DCTN2: variants seen among roughly 807,000 people sequenced by gnomAD.
DCTN2 encodes dynactin subunit 2.
A neutral mutation model predicts 55.4 loss-of-function variants in DCTN2; 18 were observed. The ratio of observed to expected loss-of-function variants is 0.32; its 90% CI spans 0.22 to 0.48. DCTN2 has a LOEUF of 0.48. Among genes scored for constraint, DCTN2 ranks in the 20% least tolerant of loss-of-function variants. DCTN2 has a pLI of 0.99. For synonymous variants in DCTN2, 168 were observed against 185.2 expected (o/e 0.91, Z 0.76); for missense variants, 390 against 491.0 (o/e 0.79, Z 1.94).
intron 2 of DCTN2, among the ~76,000 whole-genome samples, chr12:57,537,362 G>GAAA (rs56278180): frequency 1.9e-4 from 11 of 58,160 alleles, no homozygotes; most frequent in Non-Finnish European, 3.6e-4. Flanking sequence ...AGAGAGAAAA[G>GAAA]AAAAAAAAAA....
chr12:57,543,707 T>C, intron 2 of DCTN2: 12 of 973,092 alleles, frequency 1.2e-5, no homozygotes, highest in Non-Finnish European at 1.5e-5. Context: ...GCCCACCCCA[T>C]TCCTCCCTAG....
At chr12:57,542,277 G>GA (rs139649723) in intron 2 of DCTN2, among the ~76,000 whole-genome samples, 128 of 139,256 alleles carry the variant, frequency 9.2e-4, no homozygotes, top group Admixed American at 1.6e-3. Flanking sequence ...ACTCCATCTT[G>GA]AAAAAAAAAA....
At chr12:57,544,573 C>T (rs2140140009) in intron 2 of DCTN2, among the ~76,000 whole-genome samples, 1 of 152,066 alleles carries the variant, frequency 6.6e-6, no homozygotes, top group South Asian at 2.1e-4. Context: ...CGCCACCACG[C>T]CTTGCTAATT....
intron 2 of DCTN2, among the ~76,000 whole-genome samples, chr12:57,541,103 A>G (rs1880655537): frequency 6.6e-6 from 1 of 152,184 alleles, no homozygotes; most frequent in Non-Finnish European, 1.5e-5. Flanking sequence ...TAAAGCCTCC[A>G]TGCTTCTATC....
Position 57,538,504 on chromosome 12 carries a change from G to C in DCTN2, c.106-2659C>G, listed in dbSNP as rs1286021547. On this transcript the variant is annotated intron_variant, in intron 2 of 13. Coordinates refer to ENST00000548249, the MANE Select transcript of DCTN2 (RefSeq NM_001261413.2). ...ACACCCCGTTAAAAAGCAGATGAAA[G>C]GTCAGGCTTCTTACCAGCTCCTTGT... 7 of 761,456 alleles carry C rather than the reference G, an allele frequency of 9.2e-6. 1 individual carries two copies. In the African/African-American group the frequency reaches 1.2e-4, roughly 13 times the overall value. 47.2% of individuals were successfully genotyped at this position (761,456 alleles called of 1,614,324 possible).
Position 57,534,314 on chromosome 12 carries a change from C to T in DCTN2, c.502G>A (p.Asp168Asn), listed in dbSNP as rs1880032254. Residue 168 changes from aspartate to asparagine, a missense_variant, in exon 6 of 14, where the codon GAC becomes AAC. By Grantham distance (23) the Asp-to-Asn change is conservative. Around this residue, in one of 2 missense-constraint regions of DCTN2, gnomAD observed 273 missense variants for 303.2 expected, o/e 0.90. Coordinates refer to ENST00000548249, the MANE Select transcript of DCTN2 (RefSeq NM_001261413.2). ...LGPDAAINLTDPDGALAKRLL... is the reference protein window; with the variant it reads ...LGPDAAINLTNPDGALAKRLL... ...CACTTAGCCAGGGCGCCATCGGGGT[C>T]GGTAAGGTTGATTGCAGCATCTGGT... is the stretch of plus-strand genomic sequence containing the variant. The T allele has an allele frequency of 6.3e-6, 10 of 1,598,374 alleles. No homozygotes were observed. Among genetic ancestry groups the T allele is most frequent in the South Asian group, 2.2e-5 (2 of 89,950 alleles).
chr12:57,543,450 C>A (rs1880880035), intron 2 of DCTN2, among the ~76,000 whole-genome samples: 1 of 151,906 alleles, frequency 6.6e-6, no homozygotes, highest in African/African-American at 2.4e-5. Flanking sequence ...GGCAGGTAGG[C>A]AGGAAACAGA....
At chr12:57,533,406 G>A in intron 7 of DCTN2, 103 bp from the exon 8 acceptor site, 2 of 1,038,938 alleles carry the variant, frequency 1.9e-6, no homozygotes, top group Non-Finnish European at 3.0e-6. Flanking sequence ...CACCCCAAGG[G>A]ATTCCTTTCC....
In DCTN2 at chr12:57,535,076, T is replaced by C. The variant is rs1287463457; in HGVS notation, c.343A>G (p.Thr115Ala). The C allele has an allele frequency of 6.2e-6, 10 of 1,613,482 alleles. No homozygotes were observed. The highest frequency in any genetic ancestry group is 8.5e-6 in the Non-Finnish European group (10 of 1,179,810). Residue 115 changes from threonine (T) to alanine (A), a missense_variant, in exon 5 of 14, where the codon ACT (threonine) becomes GCT (alanine). Around this residue, in one of 2 missense-constraint regions of DCTN2, gnomAD observed 117 missense variants for 187.8 expected, o/e 0.62. Transcript: ENST00000548249. Reference protein sequence around the residue: ...RLLHEVQELTTEVEKIKTTVK... With the variant: ...RLLHEVQELTAEVEKIKTTVK... Reference sequence around the variant, plus strand: ...GTTACCTTGATTTTTTCAACTTCAGTTGTCAGCTCTTGGACCTCATGCAGT... The same window carrying C: ...GTTACCTTGATTTTTTCAACTTCAGCTGTCAGCTCTTGGACCTCATGCAGT...
Position 57,533,375 on chromosome 12 carries a change from T to C in DCTN2, c.670-72A>G. On this transcript the variant is annotated intron_variant, in intron 7 of 13. Transcript: ENST00000548249. ...TGCAATGGGAGGAATACGATCCTGC[T>C]CTACTCTGCCTGCCACTCACCACCC... 3 of 1,393,230 alleles carry C rather than the reference T, an allele frequency of 2.2e-6. No individual in the cohort carries two copies. In the South Asian group the frequency reaches 3.5e-5, roughly 16 times the overall value. 86.3% of individuals were successfully genotyped at this position (1,393,230 alleles called of 1,614,324 possible).
intron 1 of DCTN2, 83 bp from the exon 2 acceptor site, chr12:57,546,179 A>C: frequency 7.5e-7 from 1 of 1,331,456 alleles, no homozygotes; most frequent in Non-Finnish European, 1.1e-6. Context: ...GAATAAGCTA[A>C]CAGAGAAGGC....
At chr12:57,531,831 G>A (rs1303390867) in intron 13 of DCTN2, among the ~76,000 whole-genome samples, 184 bp downstream of exon 13, 1 of 152,182 alleles carries the variant, frequency 6.6e-6, no homozygotes, top group African/African-American at 2.4e-5. Flanking sequence ...ATGGAAAGAT[G>A]GAGGTTCATA....
Position 57,532,052 on chromosome 12 carries a change from G to A in DCTN2, c.1082C>T (p.Ala361Val). 1 of 1,566,170 alleles carries A rather than the reference G, an allele frequency of 6.4e-7. No homozygotes were observed. The highest frequency in any genetic ancestry group is 8.7e-7 in the Non-Finnish European group (1 of 1,154,634). The part of the protein sequence containing the change: ...THLDTTQQMI[A>V]NSLKDNTTLL... ...GGTGGTATTGTCCTTCAAGGAATTA[G>A]CAATCATCTGCTGGGTGGTATCCAA... Residue 361 changes from alanine (A) to valine (V), a missense_variant, in exon 13 of 14, where the codon GCT becomes GTT. Around this residue, in one of 2 missense-constraint regions of DCTN2, gnomAD observed 273 missense variants for 303.2 expected, o/e 0.90. Transcript: ENST00000548249.
At chr12:57,531,198 C>T (rs1201927560) in intron 13 of DCTN2, among the ~76,000 whole-genome samples, 2 of 152,168 alleles carry the variant, frequency 1.3e-5, no homozygotes, top group Non-Finnish European at 2.9e-5. Flanking sequence ...AATGCTCCTT[C>T]CAGCACTGAG....
rs906205278 is a variant in DCTN2, at chr12:57,534,578, G to A, written c.364-126C>T. 9.6e-6 allele frequency: 9 copies of A among 942,324 alleles called. No homozygotes were observed. In the African/African-American group the frequency reaches 1.5e-4, roughly 16 times the overall value. 58.4% of individuals were successfully genotyped at this position (942,324 alleles called of 1,614,324 possible). A position where few individuals can be genotyped will look rare whatever the true frequency, so the allele number is the denominator to read the frequency against. On this transcript the variant is annotated intron_variant, in intron 5 of 13. Coordinates refer to ENST00000548249, the MANE Select transcript of DCTN2 (RefSeq NM_001261413.2). ...GGGATGGTTTTCAGCATGACAGACT[G>A]CCCACCTGTATGTAGCACTGCATAC...
intron 2 of DCTN2, among the ~76,000 whole-genome samples, chr12:57,537,133 C>T (rs1880301037): frequency 2.0e-5 from 3 of 150,866 alleles, no homozygotes; most frequent in Non-Finnish European, 4.4e-5. Context: ...CTCAGGAGTT[C>T]AAGACCAGCC....
At chr12:57,533,420 G>T in intron 7 of DCTN2, 117 bp from the exon 8 acceptor site, 1 of 908,818 alleles carries the variant, frequency 1.1e-6, no homozygotes, top group Non-Finnish European at 1.8e-6. Flanking sequence ...CCTTTCCCTG[G>T]AATACATACC....
At chr12:57,536,455 C>A (rs546703700) in intron 2 of DCTN2, among the ~76,000 whole-genome samples, 17 of 152,206 alleles carry the variant, frequency 1.1e-4, no homozygotes, top group Admixed American at 8.5e-4. Context: ...GGAGAAGGGG[C>A]AAGGGCTTAC....
At chr12:57,535,356 AT>A in intron 4 of DCTN2, 127 bp downstream of exon 4, 1 of 1,280,786 alleles carries the variant, frequency 7.8e-7, no homozygotes, top group Non-Finnish European at 1.1e-6. Flanking sequence ...CCCTGGCTGC[AT>A]CCTGCTGCTT....
Sources: allele counts gnomAD v4.1 joint callset (sites outside exome capture counted in the v4.1 genomes callset), GRCh38; gene constraint gnomAD v4.1.1; regional missense constraint gnomAD v4.1.1; transcripts MANE v1.5; gene names NCBI Gene and HGNC (gene_info 2026-07-23, HGNC 2026-07-21).